The following LARGE1 variants were observed in gnomAD, a reference collection of about 807,000 sequenced individuals.
LARGE1 encodes the protein LARGE xylosyl- and glucuronyltransferase 1.
LARGE1 carries 43 observed loss-of-function variants against 87.6 expected under a neutral mutation model. The observed-to-expected ratio is 0.49, with a 90% CI of 0.38 to 0.63. The LOEUF (loss-of-function observed/expected upper bound fraction) is 0.63. Ranked by LOEUF, LARGE1 falls within the 30% of genes least tolerant of loss-of-function variation. The probability of loss-of-function intolerance (pLI) is 0.00; values close to 1 mark genes in which losing one functional copy is unlikely to be tolerated. For missense variants in LARGE1, 802 were observed against 1,000.2 expected, an observed-to-expected ratio of 0.80 and a Z score of 2.67; for synonymous variants, 434 against 394.6, an observed-to-expected ratio of 1.10 and a Z score of -1.18.
At chr22:33,275,718 A>T (rs907568154) in intron 14 of LARGE1, among the ~76,000 whole-genome samples, 1 of 152,350 alleles carries the variant, frequency 6.6e-6, no homozygotes, top group East Asian at 1.9e-4. Context: ...GCAAAGAAAA[A>T]AAAGAAAATA....
chr22:33,203,068 T>G (rs1354368435), intron 11 of LARGE1, among the ~76,000 whole-genome samples: 1 of 3,054 alleles, frequency 3.3e-4, no homozygotes, highest in Non-Finnish European at 1.1e-3. Context: ...GAATCTAAAC[T>G]CTCTCTCTCT....
rs75793491 is a variant in LARGE1, at chr22:33,550,385, C to T, written c.787+14463G>A. Among the ~76,000 whole-genome samples, 341 of 152,182 alleles carry T rather than the reference C, an allele frequency of 2.2e-3. 1 individual carries two copies. The highest frequency in any genetic ancestry group is 4.0e-3 in the Non-Finnish European group (269 of 68,020). On this transcript the variant is annotated intron_variant, in intron 6 of 14. Coordinates refer to ENST00000397394, the MANE Select transcript of LARGE1 (RefSeq NM_133642.5). Reference sequence around the variant, plus strand: ...ATTTTCCTCAGGGGACATTTGGCAACGCCTAGAGATATTTTTGCGTGTCAT... The same window carrying T: ...ATTTTCCTCAGGGGACATTTGGCAATGCCTAGAGATATTTTTGCGTGTCAT...
At chr22:33,310,341 C>T (rs1054008147) in intron 11 of LARGE1, among the ~76,000 whole-genome samples, 2 of 152,166 alleles carry the variant, frequency 1.3e-5, no homozygotes, top group Admixed American at 6.5e-5. Context: ...CAAAAACACA[C>T]TAAAGAACCA....
rs140157535 is a variant in LARGE1, at chr22:33,602,975, G to A, written c.615+1460C>T. 1.4e-3 allele frequency among the ~76,000 whole-genome samples: 213 copies of A among 152,314 alleles called. 1 individual carries two copies. Among genetic ancestry groups the A allele is most frequent in the African/African-American group, 4.7e-3 (197 of 41,570 alleles). ...GTTGCTTTTCCCCCATGGTGTTGGC[G>A]CTAAGACCCTGGGAGACAGAGTGGC... On this transcript the variant is annotated intron_variant, in intron 5 of 14. Transcript: ENST00000397394.
At chr22:33,775,400 ACTTCTCTGC>A (rs1207625148) in intron 1 of LARGE1, among the ~76,000 whole-genome samples, 1 of 152,168 alleles carries the variant, frequency 6.6e-6, no homozygotes, top group Non-Finnish European at 1.5e-5. Flanking sequence ...GCGGCCTCAC[ACTTCTCTGC>A]CTTTCCACCT....
intron 9 of LARGE1, among the ~76,000 whole-genome samples, chr22:33,342,829 G>A (rs541337866): frequency 2.0e-4 from 30 of 152,252 alleles, no homozygotes; most frequent in East Asian, 5.8e-4. Context: ...AAGCAAAGGC[G>A]GTTCTGAAGA....
At chr22:33,434,068 A>G (rs1277505298) in intron 6 of LARGE1, among the ~76,000 whole-genome samples, 1 of 152,218 alleles carries the variant, frequency 6.6e-6, no homozygotes, top group Non-Finnish European at 1.5e-5. Flanking sequence ...AGGGAGTATA[A>G]GAGTCAATCA....
chr22:33,308,900 C>CA (rs1445520470), intron 11 of LARGE1, among the ~76,000 whole-genome samples: 1 of 152,176 alleles, frequency 6.6e-6, no homozygotes, highest in Non-Finnish European at 1.5e-5. Context: ...TACAAAGTGT[C>CA]TGGTGCAAAG....
At chr22:33,723,074 C>A (rs1171374279) in intron 2 of LARGE1, among the ~76,000 whole-genome samples, 1 of 152,126 alleles carries the variant, frequency 6.6e-6, no homozygotes, top group Non-Finnish European at 1.5e-5. Context: ...GAGGAAGATT[C>A]CTCTGGAATC....
chr22:33,514,351 T>C (rs986945257), intron 6 of LARGE1, among the ~76,000 whole-genome samples: 8 of 152,122 alleles, frequency 5.3e-5, no homozygotes, highest in African/African-American at 1.2e-4. Context: ...TATATATTCA[T>C]AGACATATGC....
chr22:33,783,806 C>T (rs886086505), intron 1 of LARGE1, among the ~76,000 whole-genome samples: 3 of 152,080 alleles, frequency 2.0e-5, no homozygotes, highest in Non-Finnish European at 4.4e-5. Flanking sequence ...ATCACTGCTG[C>T]AGAACGGGCT....
intron 8 of LARGE1, among the ~76,000 whole-genome samples, chr22:33,383,316 T>C (rs895682764): frequency 6.6e-6 from 1 of 152,140 alleles, no homozygotes; most frequent in Non-Finnish European, 1.5e-5. Context: ...TCCCAGCACT[T>C]TGGGAGGCTG....
At chr22:33,577,014 G>A (rs562459490) in intron 5 of LARGE1, among the ~76,000 whole-genome samples, 2 of 152,266 alleles carry the variant, frequency 1.3e-5, no homozygotes, top group African/African-American at 2.4e-5. Flanking sequence ...CTATGTATGC[G>A]TGGTGTATTT....
intron 1 of LARGE1, among the ~76,000 whole-genome samples, chr22:33,777,231 T>G (rs143322703): frequency 6.6e-6 from 1 of 152,134 alleles, no homozygotes; most frequent in African/African-American, 2.4e-5. Context: ...AACACTCAGA[T>G]AATGGGACTG....
chr22:33,558,729 G>C (rs899119911), intron 6 of LARGE1, among the ~76,000 whole-genome samples: 1 of 152,258 alleles, frequency 6.6e-6, no homozygotes, highest in South Asian at 2.1e-4. Flanking sequence ...AAACTCCTTC[G>C]AGGCAACTGA....
At chr22:33,366,253 T>C (rs909044817) in intron 9 of LARGE1, among the ~76,000 whole-genome samples, 3 of 152,242 alleles carry the variant, frequency 2.0e-5, no homozygotes, top group Non-Finnish European at 2.9e-5. Flanking sequence ...CCTCTTCATA[T>C]ACCAAAATGC....
intron 7 of LARGE1, among the ~76,000 whole-genome samples, chr22:33,426,169 G>A (rs2066870839): frequency 6.6e-6 from 1 of 152,182 alleles, no homozygotes; most frequent in Non-Finnish European, 1.5e-5. Flanking sequence ...CTCAATCATG[G>A]AAGAGGCTCA....
chr22:33,399,963 G>C (rs1420586735), intron 7 of LARGE1, among the ~76,000 whole-genome samples: 3 of 152,154 alleles, frequency 2.0e-5, no homozygotes, highest in Non-Finnish European at 2.9e-5. Context: ...CTAAATCACA[G>C]AAGGCAAGTA....
At chr22:33,913,856 C>T (rs2065708695) in intron 1 of LARGE1, among the ~76,000 whole-genome samples, 4 of 151,982 alleles carry the variant, frequency 2.6e-5, no homozygotes, top group Non-Finnish European at 4.4e-5. Flanking sequence ...CCGAAAAGTC[C>T]TTGGTTTTGC....
Sources: allele counts gnomAD v4.1 joint callset (sites outside exome capture counted in the v4.1 genomes callset), GRCh38; gene constraint gnomAD v4.1.1; transcripts MANE v1.5; gene names NCBI Gene and HGNC (gene_info 2026-07-23, HGNC 2026-07-21).